The following MARF1 variants were observed in gnomAD, a reference collection of about 807,000 sequenced individuals.
MARF1 encodes the protein limkain-b1.
Under a neutral mutation model 168.2 loss-of-function variants are expected in MARF1, and 24 were observed. The ratio of observed to expected loss-of-function variants is 0.14; its 90% CI spans 0.10 to 0.20. MARF1 has a LOEUF of 0.20. Among genes scored for constraint, MARF1 ranks in the 10% least tolerant of loss-of-function variants. The pLI is 1.00. For missense variants in MARF1, 1,744 were observed against 2,143.6 expected, an observed-to-expected ratio of 0.81 and a Z score of 3.68; for synonymous variants, 868 against 822.4, an observed-to-expected ratio of 1.06 and a Z score of -0.95.
At position 15,602,092 on chromosome 16, in the gene MARF1, G is replaced by T. The variant is rs757465466; in HGVS notation, c.4525C>A (p.His1509Asn). The T allele has an allele frequency of 6.2e-7, 1 of 1,614,234 alleles. No individual in the cohort carries two copies. The highest frequency in any genetic ancestry group is 1.1e-5 in the South Asian group (1 of 91,086). ...TTGGTATAGGCCATGGAAAACTCATGAAGGAAAATCTGCTGGTAGTGGTAA... is the reference window on the plus strand; with the variant it reads ...TTGGTATAGGCCATGGAAAACTCATTAAGGAAAATCTGCTGGTAGTGGTAA... ...HTYHYQQIFL[H>N]EFSMAYTKYV... The change falls in exon 23 of 27, where the codon CAT becomes AAT. Residue 1509 changes from histidine (H) to asparagine (N), a missense_variant. Transcript: ENST00000396368.
chr16:15,621,576 T>G (rs1440165833), intron 12 of MARF1, 157 bp downstream of exon 12: 2 of 741,420 alleles, frequency 2.7e-6, no homozygotes, highest in Non-Finnish European at 4.3e-6. Context: ...AAGAGTCAAA[T>G]GGCTTGTTTC....
chr16:15,611,791 TGCTGCTGGCTCACCCTC>T, intron 17 of MARF1, 57 bp from the exon 18 acceptor site: 1 of 1,472,700 alleles, frequency 6.8e-7, no homozygotes, highest in Non-Finnish European at 9.4e-7. Context: ...GCGACTTCCT[TGCTGCTGGCTCACCCTC>T]TCGTTACTAG....
chr16:15,611,456 A>T (rs908332048), intron 18 of MARF1, 136 bp downstream of exon 18: 1 of 808,136 alleles, frequency 1.2e-6, no homozygotes, highest in African/African-American at 1.8e-5. Context: ...CAAAAAAAAA[A>T]AAAAAAAAAC....
chr16:15,629,632 C>T (rs1471716972), intron 7 of MARF1, among the ~76,000 whole-genome samples: 4 of 152,218 alleles, frequency 2.6e-5, no homozygotes, highest in Non-Finnish European at 5.9e-5. Context: ...CACACCATGG[C>T]TCCTTCTCCA....
Position 15,625,393 on chromosome 16 carries a change from A to G in MARF1, c.1932T>C (p.Asn644=), listed in dbSNP as rs781695257. Residue 644 remains asparagine, a synonymous_variant, in exon 8 of 27, where the codon AAT becomes AAC. Coordinates refer to ENST00000396368, the MANE Select transcript of MARF1 (RefSeq NM_014647.4). ...TTACCTGTAAACTTTTAACATTTGT[A>G]TTTTTTGTAGCAGATCCAGAATTTG... ...SQANSGSATK[N]TNVKSLQELC... is the part of the protein sequence containing the mutation. 147 of 1,603,768 alleles carry G rather than the reference A, an allele frequency of 9.2e-5. 2 individuals carry two copies. In the South Asian group the frequency reaches 1.5e-3, roughly 16 times the overall value.
Position 15,609,590 on chromosome 16 carries a change from C to T in MARF1, c.3887G>A (p.Cys1296Tyr). 6.2e-7 allele frequency: 1 copy of T among 1,614,138 alleles called. No homozygotes were observed. Residue 1296 changes from cysteine (C) to tyrosine (Y), a missense_variant, in exon 20 of 27, where the codon TGC becomes TAC. Coordinates refer to ENST00000396368, the MANE Select transcript of MARF1 (RefSeq NM_014647.4). Reference sequence around the variant, plus strand: ...GGTAAACCCATAGTACGCAAGTTTGCACTGCCGGCCAAAGTGGTGATGGTA... The same window carrying T: ...GGTAAACCCATAGTACGCAAGTTTGTACTGCCGGCCAAAGTGGTGATGGTA... ...PSYHHHFGRQ[C>Y]KLAYYGFTKL... is the part of the protein sequence containing the mutation.
chr16:15,596,974 G>A, intron 26 of MARF1, 37 bp from the exon 27 acceptor site: 6 of 1,557,684 alleles, frequency 3.9e-6, no homozygotes, highest in Non-Finnish European at 4.3e-6. Flanking sequence ...TCAGATCCAG[G>A]AACTGTAAGA....
chr16:15,599,131 G>T, intron 25 of MARF1, 107 bp from the exon 26 acceptor site: 7 of 589,786 alleles, frequency 1.2e-5, no homozygotes, highest in Non-Finnish European at 1.8e-5. Context: ...AAAGATAAGA[G>T]AGTCAAGAAG....
At position 15,633,599 on chromosome 16, in the gene MARF1, T is replaced by G. The variant is rs1364407271; in HGVS notation, c.1233+18A>C. ...TTCCTCTACTGTAGATTAAAATTAT[T>G]AAATTTTTTTTTTTTACCTGGCAAT... On this transcript the variant is annotated intron_variant, in intron 5 of 26. Coordinates refer to ENST00000396368, the MANE Select transcript of MARF1 (RefSeq NM_014647.4). The G allele has an allele frequency of 2.1e-6, 3 of 1,450,028 alleles. No homozygotes were observed. Among genetic ancestry groups the G allele is most frequent in the Non-Finnish European group, 2.8e-6 (3 of 1,084,512 alleles). The allele number at this position is 1,450,028 out of a possible 1,614,324, so 89.8% of individuals were successfully genotyped here.
At chr16:15,616,997 C>A in intron 15 of MARF1, 55 bp downstream of exon 15, 1 of 1,573,868 alleles carries the variant, frequency 6.4e-7, no homozygotes, top group South Asian at 1.2e-5. Context: ...GGGCAGGCTT[C>A]CTATAAAAAG....
rs2031702809 is a variant in MARF1 at position 15,596,531 on chromosome 16, T to C, written c.*162A>G. On this transcript the variant is annotated 3_prime_UTR_variant, in exon 27 of 27. Coordinates refer to ENST00000396368, the MANE Select transcript of MARF1 (RefSeq NM_014647.4). ...GAAAAGAAAGACTTCAGCTCAAAGC[T>C]GTGTTCAATGGAAAAGAAAAACATG... 1.8e-6 allele frequency: 1 copy of C among 562,048 alleles called. No homozygotes were observed. Among genetic ancestry groups the C allele is most frequent in the Admixed American group, 3.4e-5 (1 of 29,366 alleles). The allele number at this position is 562,048 out of a possible 1,614,324, so 34.8% of individuals were successfully genotyped here.
intron 3 of MARF1, chr16:15,635,450 A>G (rs1234450663): frequency 6.7e-5 from 38 of 566,020 alleles, no homozygotes; most frequent in Non-Finnish European, 3.4e-5. Context: ...AACTACAAAA[A>G]TAATGACTCT....
intron 9 of MARF1, 37 bp downstream of exon 9, chr16:15,624,979 T>G (rs746402133): frequency 3.1e-6 from 5 of 1,613,490 alleles, no homozygotes; most frequent in Non-Finnish European, 4.2e-6. Context: ...TCCTTCACAT[T>G]CAAGAAGCAG....
intron 10 of MARF1, 87 bp from the exon 11 acceptor site, chr16:15,623,210 T>C (rs556059409): frequency 1.7e-5 from 17 of 995,638 alleles, no homozygotes; most frequent in South Asian, 9.6e-5. Flanking sequence ...TGAAACTATA[T>C]ACAGAAGCAG....
rs1249215036 is a variant in MARF1 at position 15,625,353 on chromosome 16, C to G, written c.1953+19G>C. Reference sequence around the variant, plus strand: ...CAAACCTACCATAAACTTCAGAAAGCAAGAGGTATCAAAATTACCTGTAAA... The same window carrying G: ...CAAACCTACCATAAACTTCAGAAAGGAAGAGGTATCAAAATTACCTGTAAA... On this transcript the variant is annotated intron_variant, in intron 8 of 26. Transcript: ENST00000396368. 1 of 1,586,240 alleles carries G rather than the reference C, an allele frequency of 6.3e-7. No homozygotes were observed. Among genetic ancestry groups the G allele is most frequent in the South Asian group, 1.2e-5 (1 of 86,766 alleles).
In MARF1 at chr16:15,598,156, G is replaced by A. The variant is rs111325577; in HGVS notation, c.4984+698C>T. ...GCCAGGAGACACCGCAGGACAAGAGGGCTTGGGTTCCAATGCCGGCTCTGC... is the reference window on the plus strand; with the variant it reads ...GCCAGGAGACACCGCAGGACAAGAGAGCTTGGGTTCCAATGCCGGCTCTGC... On this transcript the variant is annotated intron_variant, in intron 26 of 26. Transcript: ENST00000396368. Among the ~76,000 whole-genome samples the A allele has an allele frequency of 6.6e-3, 1,003 of 152,316 alleles. 6 individuals carry two copies. Among genetic ancestry groups the A allele is most frequent in the Non-Finnish European group, 9.4e-3 (638 of 68,032 alleles).
intron 22 of MARF1, chr16:15,602,577 AGAT>A (rs765433579): frequency 6.3e-6 from 3 of 478,040 alleles, no homozygotes; most frequent in Admixed American, 4.6e-5. Flanking sequence ...AAGATGAAGA[AGAT>A]GAAGATGACA....
In MARF1 at chr16:15,634,794, TAAC is replaced by T. The variant is rs750031665; in HGVS notation, c.966_968del (p.Leu324del). 69 of 1,613,770 alleles carry T rather than the reference TAAC, an allele frequency of 4.3e-5. No homozygotes were observed. The highest frequency in any genetic ancestry group is 5.6e-5 in the Non-Finnish European group (66 of 1,179,886). On this transcript the variant is annotated inframe_deletion, in exon 4 of 27. Coordinates refer to ENST00000396368, the MANE Select transcript of MARF1 (RefSeq NM_014647.4). ...CAGCTTTGCCTAGACTGGTCGCCAA[TAAC>T]AACGTGGTCTCCTTCCCTGTTCCTT... is the stretch of plus-strand genomic sequence containing the variant.
intron 2 of MARF1, among the ~76,000 whole-genome samples, chr16:15,637,394 T>G (rs1019494384): frequency 4.3e-4 from 65 of 152,316 alleles, no homozygotes; most frequent in African/African-American, 1.6e-3. Flanking sequence ...CTCCCTTTGC[T>G]GTGATTCTAC....
Sources: allele counts gnomAD v4.1 joint callset (sites outside exome capture counted in the v4.1 genomes callset), GRCh38; gene constraint gnomAD v4.1.1; transcripts MANE v1.5; gene names NCBI Gene and HGNC (gene_info 2026-07-23, HGNC 2026-07-21).